KCNC4: variants seen among roughly 807,000 people sequenced by gnomAD.
KCNC4 encodes the protein potassium voltage-gated channel subfamily C member 4, also known as voltage-gated potassium channel KCNC4.
KCNC4 carries 23 observed loss-of-function variants against 42.8 expected under a neutral mutation model. The observed-to-expected ratio is 0.54, with a 90% CI of 0.39 to 0.76. KCNC4 has a LOEUF of 0.76. Ranked by LOEUF, KCNC4 falls within the 30% of genes least tolerant of loss-of-function variation. The pLI is 0.00. For missense variants in KCNC4, 751 were observed against 898.2 expected, an observed-to-expected ratio of 0.84 and a Z score of 2.10; for synonymous variants, 422 against 393.5, an observed-to-expected ratio of 1.07 and a Z score of -0.86.
At chr1:110,281,322 G>A (rs1473921322) in intron 1 of KCNC4, among the ~76,000 whole-genome samples, 8 of 151,956 alleles carry the variant, frequency 5.3e-5, no homozygotes, top group Non-Finnish European at 7.4e-5. Context: ...AATGATGTGG[G>A]GCCACCCTAC....
chr1:110,226,483 C>T (rs892067328), intron 3 of KCNC4, among the ~76,000 whole-genome samples: 7 of 152,230 alleles, frequency 4.6e-5, no homozygotes, highest in African/African-American at 1.4e-4. Context: ...TCTTTTTCTA[C>T]CTCTGGTTCC....
exon 4 of KCNC4, chr1:110,242,477 G>T (rs1659050752): frequency 6.6e-6 from 1 of 152,206 alleles, no homozygotes; most frequent in Non-Finnish European, 1.5e-5. Context: ...CGCTGTTGCT[G>T]GGCTTGAGGT....
exon 4 of KCNC4, chr1:110,239,170 G>A (rs56955295): frequency 0.12 from 18,388 of 152,458 alleles, 1,614 homozygotes; most frequent in African/African-American, 0.22. Flanking sequence ...AGGAGGGCCT[G>A]TGATGCCCTG....
In KCNC4 at chr1:110,280,071, G is replaced by A. The variant is rs144192101; in HGVS notation, n.31-2463G>A. Among the ~76,000 whole-genome samples the A allele has an allele frequency of 9.0e-4, 137 of 152,166 alleles. 3 individuals carry two copies. In the East Asian group the frequency reaches 0.022, roughly 25 times the overall value. On this transcript the variant is annotated intron_variant and non_coding_transcript_variant, in intron 1 of 2. Transcript: ENST00000412512. ...GCTGGGATTACAGGTGTGAGCCACC[G>A]CACCCGGCTGGAATGTTTAGGCTAT...
rs1444188056 is a variant in KCNC4 at position 110,211,246 on chromosome 1, T to C, written c.-254T>C. On this transcript the variant is annotated 5_prime_UTR_variant, in exon 1 of 4. Transcript: ENST00000438661. This position sits in a 1 kb window ranked among gnomAD's most constrained non-coding sequence, Gnocchi z 6.5. ...GTGTGCTTGCTTCTACTTCCCCGGG[T>C]CCTCCCTCTCTGCGCCTCCCTCTCT... 23 of 529,262 alleles carry C rather than the reference T, an allele frequency of 4.3e-5. No homozygotes were observed. The South Asian group carries it at 5.5e-4, about 13-fold the overall frequency. The allele number at this position is 529,262 out of a possible 1,614,324, so 32.8% of individuals were successfully genotyped here. A position where few individuals can be genotyped will look rare whatever the true frequency, so the allele number is the denominator to read the frequency against.
Position 110,211,930 on chromosome 1 carries a change from G to A in KCNC4, c.431G>A (p.Cys144Tyr). Reference protein sequence around the residue: ...GIDETDVEPCCWMTYRQHRDA... With the variant: ...GIDETDVEPCYWMTYRQHRDA... ...GACGAGACCGACGTGGAACCCTGCTGCTGGATGACCTACCGGCAGCACCGC... is the reference window on the plus strand; with the variant it reads ...GACGAGACCGACGTGGAACCCTGCTACTGGATGACCTACCGGCAGCACCGC... The change falls in exon 1 of 4, where the codon TGC (cysteine) becomes TAC (tyrosine). Residue 144 changes from cysteine (C) to tyrosine (Y), a missense_variant. Cys to Tyr is a radical substitution (Grantham distance 194). Transcript: ENST00000438661. This position sits in a 1 kb window ranked among gnomAD's most constrained non-coding sequence, Gnocchi z 6.5. 6.2e-7 allele frequency: 1 copy of A among 1,611,598 alleles called. No individual in the cohort carries two copies. Among genetic ancestry groups the A allele is most frequent in the Non-Finnish European group, 8.5e-7 (1 of 1,179,802 alleles).
chr1:110,238,528 A>G (rs1306228041), downstream of KCNC4: 1 of 152,150 alleles, frequency 6.6e-6, no homozygotes, highest in Non-Finnish European at 1.5e-5. Flanking sequence ...CATTCAGCAA[A>G]CATATGTGGC....
In KCNC4 at chr1:110,211,419, TC is replaced by T. The variant is rs1657438568; in HGVS notation, c.-76del. 4 of 1,495,630 alleles carry T rather than the reference TC, an allele frequency of 2.7e-6. No homozygotes were observed. Among genetic ancestry groups the T allele is most frequent in the South Asian group, 1.3e-5 (1 of 74,812 alleles). 92.6% of individuals were successfully genotyped at this position (1,495,630 alleles called of 1,614,324 possible). On this transcript the variant is annotated 5_prime_UTR_variant, in exon 1 of 4. Coordinates refer to ENST00000438661, the MANE Select transcript of KCNC4 (RefSeq NM_001039574.3). This position sits in a 1 kb window ranked among gnomAD's most constrained non-coding sequence, Gnocchi z 6.5. Reference sequence around the variant, plus strand: ...CTGCCTCCTCTTCGTCTCCTCCCCCTCCCCCGTCTGACGCTGCCTCCTCGGG... The same window carrying T: ...CTGCCTCCTCTTCGTCTCCTCCCCCTCCCCGTCTGACGCTGCCTCCTCGGG...
chr1:110,237,146 C>G (rs1477295787), downstream of KCNC4: 1 of 148,864 alleles, frequency 6.7e-6, no homozygotes, highest in East Asian at 2.0e-4. Flanking sequence ...CATCTCTACA[C>G]AAAAAAAAAG....
rs57060140 is a variant in KCNC4, at chr1:110,232,899, C to T, written c.1820-12C>T. ...CGTCCCAGTGTCTCACACCTGTGCT[C>T]TTTAAACACAGAGACCTGCCAAGAC... is the stretch of plus-strand genomic sequence containing the variant. On this transcript the variant is annotated splice_polypyrimidine_tract_variant and intron_variant, in intron 3 of 3. Coordinates refer to ENST00000438661, the MANE Select transcript of KCNC4 (RefSeq NM_001039574.3). 2.2e-3 allele frequency: 3,594 copies of T among 1,608,998 alleles called. 64 individuals are homozygous for T. The African/African-American group carries it at 0.042, about 19-fold the overall frequency.
downstream of KCNC4, among the ~76,000 whole-genome samples, chr1:110,251,352 C>G (rs1013110538): frequency 1.1e-4 from 16 of 152,176 alleles, no homozygotes; most frequent in Non-Finnish European, 2.1e-4. Context: ...CCATGCTGTT[C>G]TCACAATAGT....
intron 1 of KCNC4, among the ~76,000 whole-genome samples, chr1:110,261,347 A>T (rs1280648066): frequency 1.3e-5 from 2 of 152,254 alleles, no homozygotes; most frequent in Admixed American, 1.3e-4. Flanking sequence ...AGCAGGCATT[A>T]TTGACAGATG....
downstream of KCNC4, chr1:110,236,404 G>A (rs193158036): frequency 2.6e-4 from 40 of 152,336 alleles, no homozygotes; most frequent in Admixed American, 2.1e-3. Flanking sequence ...AGTGGGGCTT[G>A]TGAGTCATAA....
At chr1:110,275,539 A>T (rs1411710388) in intron 1 of KCNC4, among the ~76,000 whole-genome samples, 1 of 152,240 alleles carries the variant, frequency 6.6e-6, no homozygotes, top group Non-Finnish European at 1.5e-5. Flanking sequence ...AAATCATTAT[A>T]TAAAAAAGAT....
chr1:110,259,064 GTT>G (rs1659383012), intron 1 of KCNC4, among the ~76,000 whole-genome samples: 1 of 152,230 alleles, frequency 6.6e-6, no homozygotes, highest in African/African-American at 2.4e-5. Flanking sequence ...AGATGGCTCT[GTT>G]TATTTGTGAA....
At chr1:110,222,160 TG>T (rs994656364) in intron 1 of KCNC4, 6 of 152,196 alleles carry the variant, frequency 3.9e-5, no homozygotes, top group African/African-American at 1.4e-4. Flanking sequence ...TCAACTGCCA[TG>T]GTGCATGTTG....
At chr1:110,267,047 C>T (rs937566250) in intron 1 of KCNC4, among the ~76,000 whole-genome samples, 47 of 152,190 alleles carry the variant, frequency 3.1e-4, no homozygotes, top group African/African-American at 1.1e-3. Flanking sequence ...GCAAGCAGCC[C>T]GCACGCCTCT....
At chr1:110,260,378 A>C (rs993925144) in intron 1 of KCNC4, among the ~76,000 whole-genome samples, 3 of 152,350 alleles carry the variant, frequency 2.0e-5, no homozygotes, top group South Asian at 2.1e-4. Flanking sequence ...AGAGGAAATG[A>C]TGAATATATC....
In KCNC4 at chr1:110,233,115, G is replaced by A. The variant is rs79864716; in HGVS notation, c.*143G>A. 1.4e-3 allele frequency: 1,405 copies of A among 1,040,408 alleles called. 14 individuals are homozygous for A. The African/African-American group carries it at 0.018, about 13-fold the overall frequency. 64.4% of individuals were successfully genotyped at this position (1,040,408 alleles called of 1,614,324 possible). ...AGGACTGGTGGAAAATCTCCCATGC[G>A]ACCCTCGGGGCCCAGAGCCATCTGG... On this transcript the variant is annotated 3_prime_UTR_variant, in exon 4 of 4. Transcript: ENST00000438661.
Sources: allele counts gnomAD v4.1 joint callset (sites outside exome capture counted in the v4.1 genomes callset), GRCh38; gene constraint gnomAD v4.1.1; non-coding constraint Gnocchi (gnomAD v3.1); transcripts MANE v1.5; gene names NCBI Gene and HGNC (gene_info 2026-07-23, HGNC 2026-07-21).